The following CHST9 variants were observed in gnomAD, a reference collection of about 807,000 sequenced individuals.
CHST9 encodes GalNAc-4-sulfotransferase 2.
Under a neutral mutation model 44.4 loss-of-function variants are expected in CHST9, and 41 were observed. The ratio of observed to expected loss-of-function variants is 0.92; its 90% confidence interval spans 0.72 to 1.20. The LOEUF (loss-of-function observed/expected upper bound fraction) is 1.20, where lower values mean the gene tolerates loss of function less well. Among genes scored for constraint, CHST9 ranks in the 50% most tolerant of loss-of-function variants. The probability of loss-of-function intolerance (pLI) is 0.00; values close to 1 mark genes in which losing one functional copy is unlikely to be tolerated. For synonymous variants in CHST9, 171 were observed against 178.4 expected, an observed-to-expected ratio of 0.96 and a Z score of 0.33; for missense variants, 504 against 516.5, an observed-to-expected ratio of 0.98 and a Z score of 0.23.
intron 2 of CHST9, among the ~76,000 whole-genome samples, chr18:27,105,779 T>A (rs1295235987): frequency 6.6e-6 from 1 of 152,064 alleles, no homozygotes; most frequent in Non-Finnish European, 1.5e-5. Flanking sequence ...GGACCAGAAA[T>A]GTGCTTTGGC....
At chr18:27,070,194 T>C (rs2057823782) in intron 2 of CHST9, among the ~76,000 whole-genome samples, 1 of 152,188 alleles carries the variant, frequency 6.6e-6, no homozygotes, top group African/African-American at 2.4e-5. Flanking sequence ...CAATTAACAA[T>C]GATACTAGTA....
chr18:27,127,617 G>T (rs1207140229), intron 2 of CHST9, among the ~76,000 whole-genome samples: 4 of 152,186 alleles, frequency 2.6e-5, no homozygotes, highest in African/African-American at 9.7e-5. Flanking sequence ...GGGAAAATAT[G>T]GTTGAAAGAA....
At chr18:27,127,866 T>C (rs904363063) in intron 2 of CHST9, among the ~76,000 whole-genome samples, 6 of 152,148 alleles carry the variant, frequency 3.9e-5, no homozygotes, top group African/African-American at 1.4e-4. Context: ...AGTGAGTCTA[T>C]GTCTTGGTAG....
rs573312220 is a variant in CHST9, at chr18:27,178,795, T to C, written c.-97+6341A>G. 2.4e-3 allele frequency among the ~76,000 whole-genome samples: 372 copies of C among 152,116 alleles called. 1 individual carries two copies. The highest frequency in any genetic ancestry group is 4.6e-3 in the Non-Finnish European group (310 of 67,914). ...CACAGGATTCATCTACCACAAGCAA[T>C]ATAACAAAATTCTAATACAGCAGTT... On this transcript the variant is annotated intron_variant, in intron 1 of 5. Transcript: ENST00000618847.
intron 4 of CHST9, among the ~76,000 whole-genome samples, chr18:27,005,359 C>A (rs1435486094): frequency 1.3e-5 from 2 of 152,060 alleles, no homozygotes; most frequent in Non-Finnish European, 1.5e-5. Context: ...TAGAGGCCAA[C>A]CTTGGGTCTT....
At chr18:26,931,425 C>T (rs1250877302) in intron 5 of CHST9, among the ~76,000 whole-genome samples, 6 of 152,218 alleles carry the variant, frequency 3.9e-5, no homozygotes, top group Admixed American at 1.3e-4. Flanking sequence ...CACCTATAGC[C>T]AGTACTGTAG....
intron 2 of CHST9, among the ~76,000 whole-genome samples, chr18:27,081,535 C>A (rs2057960796): frequency 6.6e-6 from 1 of 152,108 alleles, no homozygotes; most frequent in Non-Finnish European, 1.5e-5. Context: ...ACTTGTCTCC[C>A]ATCCCAACCC....
intron 1 of CHST9, among the ~76,000 whole-genome samples, chr18:27,164,288 C>T (rs1017639697): frequency 2.0e-5 from 3 of 150,246 alleles, no homozygotes; most frequent in African/African-American, 7.3e-5. Context: ...AAAGGAAAGG[C>T]CCTATGTTTA....
At chr18:27,100,464 G>A (rs1160200275) in intron 2 of CHST9, among the ~76,000 whole-genome samples, 1 of 152,142 alleles carries the variant, frequency 6.6e-6, no homozygotes, top group African/African-American at 2.4e-5. Context: ...AGGGAGTCAA[G>A]CAAGTTAAAA....
rs35598737 is a variant in CHST9 at position 26,914,974 on chromosome 18, CT to C, written c.*1284del. The C allele has an allele frequency of 0.3, 117,647 of 395,834 alleles. 17,934 individuals carry two copies. The highest frequency in any genetic ancestry group is 0.38 in the Middle Eastern group (593 of 1,572). The allele number at this position is 395,834 out of a possible 1,614,324, so 24.5% of individuals were successfully genotyped here. On this transcript the variant is annotated 3_prime_UTR_variant, in exon 6 of 6. Coordinates refer to ENST00000618847, the MANE Select transcript of CHST9 (RefSeq NM_031422.6). ...AAATGTTTCCCATCCAAAATGATCC[CT>C]TTTTTTTTCCCCAAGGGATCTAATT... is the stretch of plus-strand genomic sequence containing the variant.
intron 3 of CHST9, among the ~76,000 whole-genome samples, chr18:27,041,860 GC>G (rs1292786718): frequency 6.6e-6 from 1 of 152,130 alleles, no homozygotes; most frequent in Non-Finnish European, 1.5e-5. Flanking sequence ...TTAATGAACA[GC>G]CCAAGTGTAA....
chr18:27,143,941 C>G (rs543720467), intron 1 of CHST9, among the ~76,000 whole-genome samples: 1 of 152,022 alleles, frequency 6.6e-6, no homozygotes, highest in South Asian at 2.1e-4. Context: ...CACGTGTATC[C>G]CAGAACTTAA....
At chr18:27,050,626 C>T (rs979827513) in intron 2 of CHST9, among the ~76,000 whole-genome samples, 1 of 152,118 alleles carries the variant, frequency 6.6e-6, no homozygotes, top group Non-Finnish European at 1.5e-5. Context: ...ATGTTATATT[C>T]ATTTGGGTGA....
chr18:27,025,276 T>C (rs2057273646), intron 3 of CHST9, among the ~76,000 whole-genome samples: 1 of 151,442 alleles, frequency 6.6e-6, no homozygotes, highest in East Asian at 1.9e-4. Flanking sequence ...TTTCAACATA[T>C]GTTGACTAAA....
intron 4 of CHST9, 86 bp downstream of exon 4, chr18:27,024,030 A>C: frequency 7.6e-7 from 1 of 1,310,556 alleles, no homozygotes; most frequent in Non-Finnish European, 1.1e-6. Context: ...CTTAAAAGCC[A>C]CACTCTGAGG....
At chr18:26,972,260 G>A (rs1195181250) in intron 4 of CHST9, among the ~76,000 whole-genome samples, 6 of 148,494 alleles carry the variant, frequency 4.0e-5, no homozygotes, top group Non-Finnish European at 8.9e-5. Context: ...GGGAGGGTGA[G>A]GCAAGAGAAT....
chr18:27,048,056 A>G (rs1237604047), intron 3 of CHST9, among the ~76,000 whole-genome samples: 2 of 152,210 alleles, frequency 1.3e-5, no homozygotes, highest in Non-Finnish European at 2.9e-5. Context: ...GATGCTTCTC[A>G]GTTAACACTG....
chr18:26,946,890 T>C (rs565700193), intron 4 of CHST9, among the ~76,000 whole-genome samples: 108 of 150,142 alleles, frequency 7.2e-4, no homozygotes, highest in African/African-American at 2.5e-3. Context: ...TCTGTTTTGG[T>C]ACCAGTACCA....
chr18:27,082,096 T>G (rs1039435599), intron 2 of CHST9, among the ~76,000 whole-genome samples: 8 of 152,178 alleles, frequency 5.3e-5, no homozygotes, highest in African/African-American at 1.9e-4. Flanking sequence ...CCCCTAAAAG[T>G]GTACCTAAGA....
Sources: gnomAD v4.1 joint callset for allele counts (sites outside exome capture counted in the v4.1 genomes callset) on GRCh38, gnomAD v4.1.1 for gene constraint, MANE v1.5 for transcripts, NCBI Gene and HGNC (gene_info 2026-07-23, HGNC 2026-07-21) for gene names.